Variants in FBXW10 observed in about 807,000 individuals in gnomAD.
FBXW10 encodes F-box and WD repeat domain containing 10.
A neutral mutation model predicts 113.1 loss-of-function variants in FBXW10; 68 were observed. The observed-to-expected ratio is 0.60, with a 90% CI of 0.49 to 0.74. The LOEUF is 0.74. Ranked by LOEUF, FBXW10 falls within the 30% of genes least tolerant of loss-of-function variation. The pLI, the probability that FBXW10 is intolerant of heterozygous loss-of-function variation, is 0.00. For missense variants in FBXW10, 753 were observed against 1,284.5 expected (o/e 0.59, Z 6.32); for synonymous variants, 289 against 481.6 (o/e 0.60, Z 5.24).
chr17:18,753,178 G>A (rs1379951562), intron 5 of FBXW10, among the ~76,000 whole-genome samples: 6 of 152,328 alleles, frequency 3.9e-5, no homozygotes, highest in Middle Eastern at 3.4e-3. Flanking sequence ...AGGGCACAGA[G>A]GGAAGTGGGG....
chr17:18,760,043 C>T (rs1169305496), intron 7 of FBXW10, among the ~76,000 whole-genome samples: 1 of 152,138 alleles, frequency 6.6e-6, no homozygotes, highest in Non-Finnish European at 1.5e-5. Context: ...GGAAGGAGTA[C>T]TAAACTGTTT....
At position 18,774,271 on chromosome 17, in the gene FBXW10, A is replaced by G. The variant is rs1439969807; in HGVS notation, c.2279-865A>G. On this transcript the variant is annotated intron_variant, in intron 12 of 13. Coordinates refer to ENST00000395665, the MANE Select transcript of FBXW10 (RefSeq NM_001267585.2). ...AAAGGTCTGGAAGGAATGGTCACGCACCAGAGCAGGAAAACAGCTGCGCTA... is the reference window on the plus strand; with the variant it reads ...AAAGGTCTGGAAGGAATGGTCACGCGCCAGAGCAGGAAAACAGCTGCGCTA... 4.6e-5 allele frequency among the ~76,000 whole-genome samples: 7 copies of G among 152,360 alleles called. No individual in the cohort carries two copies. In the East Asian group the frequency reaches 9.6e-4, roughly 21 times the overall value.
chr17:18,764,764 G>A lies in FBXW10; in HGVS notation c.1456G>A (p.Val486Ile). The A allele has an allele frequency of 1.9e-6, 3 of 1,613,798 alleles. No individual in the cohort carries two copies. Among genetic ancestry groups the A allele is most frequent in the Non-Finnish European group, 2.5e-6 (3 of 1,179,824 alleles). The part of the protein sequence containing the change: ...SIRYWDLKSG[V>I]CTRIFGGHQG... ...CAGATACTGGGATCTGAAAAGTGGG[G>A]TTTGCACACGAATCTTCGGTGGTCA... The change falls in exon 8 of 14, where the codon GTT becomes ATT. Residue 486 changes from valine (V) to isoleucine (I), a missense_variant. Physicochemically the swap from Val to Ile is conservative, Grantham distance 29. Transcript: ENST00000395665.
chr17:18,763,648 T>C (rs1244136670), intron 7 of FBXW10, among the ~76,000 whole-genome samples: 4 of 152,162 alleles, frequency 2.6e-5, no homozygotes, highest in Admixed American at 2.6e-4. Context: ...AGCGGAAGCA[T>C]CAATGGCAGT....
intron 13 of FBXW10, among the ~76,000 whole-genome samples, chr17:18,775,711 A>T (rs1362745166): frequency 1.3e-5 from 2 of 152,200 alleles, no homozygotes; most frequent in Non-Finnish European, 2.9e-5. Flanking sequence ...AGGGAGAAAG[A>T]GAGATGGGGA....
At chr17:18,748,337 G>A (rs1010335247) in intron 2 of FBXW10, among the ~76,000 whole-genome samples, 1 of 150,788 alleles carries the variant, frequency 6.6e-6, no homozygotes, top group African/African-American at 2.4e-5. Context: ...CGTGAAGCCG[G>A]GAGGCAGAGC....
intron 7 of FBXW10, among the ~76,000 whole-genome samples, chr17:18,759,627 T>TG (rs916728651): frequency 6.6e-6 from 1 of 151,972 alleles, no homozygotes; most frequent in Non-Finnish European, 1.5e-5. Flanking sequence ...TTGTTTTTTT[T>TG]TTTGAGATGG....
intron 10 of FBXW10, chr17:18,769,340 A>G (rs912990263): frequency 3.9e-5 from 6 of 152,988 alleles, no homozygotes; most frequent in Non-Finnish European, 8.7e-5. Context: ...ATGATCATCT[A>G]TATGTTAGAT....
At chr17:18,752,825 G>T (rs545866125) in intron 5 of FBXW10, among the ~76,000 whole-genome samples, 13 of 152,310 alleles carry the variant, frequency 8.5e-5, no homozygotes, top group African/African-American at 2.9e-4. Flanking sequence ...GCTCAGAGAG[G>T]TCAAGCTCTC....
At chr17:18,755,421 G>A (rs2035241772) in intron 5 of FBXW10, among the ~76,000 whole-genome samples, 1 of 152,118 alleles carries the variant, frequency 6.6e-6, no homozygotes, top group Admixed American at 6.5e-5. Flanking sequence ...TGGGCATGGT[G>A]GTGCACGCTT....
intron 7 of FBXW10, among the ~76,000 whole-genome samples, chr17:18,761,072 T>G (rs1487144515): frequency 2.0e-5 from 3 of 152,130 alleles, no homozygotes; most frequent in African/African-American, 7.2e-5. Context: ...CCTGCATTGA[T>G]TTGAGGTGCT....
In FBXW10 at chr17:18,754,913, A is replaced by G. The variant is rs371870097; in HGVS notation, c.1123-1132A>G. ...GAACATTTTGTGGGGCAAGGGATCT[A>G]CTTTGTAAGGCAGCTACAAGGACAA... On this transcript the variant is annotated intron_variant, in intron 5 of 13. Coordinates refer to ENST00000395665, the MANE Select transcript of FBXW10 (RefSeq NM_001267585.2). Among the ~76,000 whole-genome samples, 118 of 152,346 alleles carry G rather than the reference A, an allele frequency of 7.7e-4. 1 individual carries two copies. In the South Asian group the frequency reaches 0.024, roughly 31 times the overall value.
At chr17:18,749,403 C>T (rs1388907429) in intron 2 of FBXW10, among the ~76,000 whole-genome samples, 1 of 151,488 alleles carries the variant, frequency 6.6e-6, no homozygotes, top group African/African-American at 2.4e-5. Context: ...AAAAATTAGC[C>T]GGGCGTGGTG....
intron 6 of FBXW10, among the ~76,000 whole-genome samples, chr17:18,757,065 T>TAC (rs912119439): frequency 2.0e-5 from 3 of 152,068 alleles, no homozygotes; most frequent in African/African-American, 7.2e-5. Context: ...TGTGTACATA[T>TAC]ACACACACAC....
chr17:18,746,531 T>A (rs1171034005), intron 1 of FBXW10, among the ~76,000 whole-genome samples: 3 of 152,166 alleles, frequency 2.0e-5, no homozygotes, highest in Non-Finnish European at 2.9e-5. Flanking sequence ...CACAATTAGA[T>A]CACAATATAT....
chr17:18,762,816 TA>T (rs1177983482), intron 7 of FBXW10, among the ~76,000 whole-genome samples: 4 of 150,880 alleles, frequency 2.7e-5, no homozygotes, highest in Non-Finnish European at 5.9e-5. Flanking sequence ...GACTTTGGCT[TA>T]TACCTTTTAC....
chr17:18,745,952 GT>G (rs1241294036), intron 1 of FBXW10, among the ~76,000 whole-genome samples: 3 of 152,206 alleles, frequency 2.0e-5, no homozygotes, highest in Admixed American at 1.3e-4. Context: ...TTGGCTCACA[GT>G]TCTGAAGACT....
chr17:18,759,125 G>T (rs2035330646), intron 7 of FBXW10, among the ~76,000 whole-genome samples: 1 of 152,036 alleles, frequency 6.6e-6, no homozygotes, highest in Non-Finnish European at 1.5e-5. Flanking sequence ...AGCCGAGATG[G>T]TGCCACTACA....
At position 18,762,891 on chromosome 17, in the gene FBXW10, C is replaced by A. The variant is rs575996487; in HGVS notation, c.1434-1851C>A. ...AGTATTTATCAAATACCTTTTCTTGCATAAATTTAAAAAACCAACCTGAAG... is the reference window on the plus strand; with the variant it reads ...AGTATTTATCAAATACCTTTTCTTGAATAAATTTAAAAAACCAACCTGAAG... On this transcript the variant is annotated intron_variant, in intron 7 of 13. Coordinates refer to ENST00000395665, the MANE Select transcript of FBXW10 (RefSeq NM_001267585.2). 2.0e-5 allele frequency among the ~76,000 whole-genome samples: 3 copies of A among 148,696 alleles called. No individual in the cohort carries two copies. The East Asian group carries it at 5.9e-4, about 29-fold the overall frequency.
Sources: allele counts gnomAD v4.1 joint callset (sites outside exome capture counted in the v4.1 genomes callset), GRCh38; gene constraint gnomAD v4.1.1; transcripts MANE v1.5; gene names NCBI Gene and HGNC (gene_info 2026-07-23, HGNC 2026-07-21).